Variants in ABCD2 observed in about 807,000 individuals in gnomAD.
ABCD2 encodes ATP binding cassette subfamily D member 2, also known as ATP-binding cassette sub-family D member 2.
A neutral mutation model predicts 70.9 loss-of-function variants in ABCD2; 36 were observed. The ratio of observed to expected loss-of-function variants is 0.51; its 90% CI spans 0.39 to 0.67. The LOEUF (loss-of-function observed/expected upper bound fraction) is 0.67. ABCD2 is among the 30% of genes least tolerant of loss of function. The probability of loss-of-function intolerance (pLI) is 0.00; values close to 1 mark genes in which losing one functional copy is unlikely to be tolerated. For missense variants in ABCD2, 729 were observed against 890.2 expected (o/e 0.82, Z 2.30); for synonymous variants, 304 against 306.9 (o/e 0.99, Z 0.10).
At chr12:39,611,502 CT>C (rs1444118019) in intron 2 of ABCD2, among the ~76,000 whole-genome samples, 12 of 152,072 alleles carry the variant, frequency 7.9e-5, no homozygotes, top group Admixed American at 1.3e-4. Flanking sequence ...CTTGACAAAT[CT>C]TGACAAAATT....
At chr12:39,555,006 T>C in intron 9 of ABCD2, among the ~76,000 whole-genome samples, 1 of 152,176 alleles carries the variant, frequency 6.6e-6, no homozygotes, top group Non-Finnish European at 1.5e-5. Context: ...TCGGTGGGCT[T>C]TTTTCAAGCA....
At chr12:39,612,245 T>A (rs1173376082) in intron 2 of ABCD2, among the ~76,000 whole-genome samples, 1 of 152,190 alleles carries the variant, frequency 6.6e-6, no homozygotes, top group Non-Finnish European at 1.5e-5. Flanking sequence ...CACAGATATG[T>A]ATATACATAC....
chr12:39,541,103 A>C, the ABCD2 span, among the ~76,000 whole-genome samples: 1 of 152,222 alleles, frequency 6.6e-6, no homozygotes, highest in Non-Finnish European at 1.5e-5. Flanking sequence ...AAACAAACAA[A>C]TCCCATAGTA....
chr12:39,532,375 T>C, the ABCD2 span, among the ~76,000 whole-genome samples: 2 of 152,196 alleles, frequency 1.3e-5, no homozygotes, highest in African/African-American at 4.8e-5. Context: ...CTGTTCAACA[T>C]CTCCAATAAT....
chr12:39,549,556 TTC>T (rs1941060089), downstream of ABCD2, among the ~76,000 whole-genome samples: 1 of 151,842 alleles, frequency 6.6e-6, no homozygotes, highest in African/African-American at 2.4e-5. Context: ...TTGCCTTATA[TTC>T]TCCCTCTCCC....
Position 39,607,799 on chromosome 12 carries a change from T to G in ABCD2, c.1121-85A>C. The G allele has an allele frequency of 3.4e-6, 3 of 886,914 alleles. No individual in the cohort carries two copies. In the South Asian group the frequency reaches 4.7e-5, roughly 14 times the overall value. The allele number at this position is 886,914 out of a possible 1,614,324, so 54.9% of individuals were successfully genotyped here. ...AATGTTTTATATTATACAAACTAAA[T>G]TGTGGCTAAAACAACCACATATTAA... On this transcript the variant is annotated intron_variant, in intron 2 of 9. Transcript: ENST00000308666.
intron 1 of ABCD2, among the ~76,000 whole-genome samples, 157 bp downstream of exon 1, chr12:39,618,520 G>C (rs1200931905): frequency 6.6e-6 from 1 of 152,052 alleles, no homozygotes; most frequent in Non-Finnish European, 1.5e-5. Context: ...AGTTAAAAGG[G>C]GTAATGAAGC....
the ABCD2 span, among the ~76,000 whole-genome samples, chr12:39,534,999 G>A: frequency 1.3e-5 from 2 of 151,810 alleles, no homozygotes; most frequent in Non-Finnish European, 2.9e-5. Context: ...CCTGGCTTGC[G>A]CTGTCTGACA....
chr12:39,561,806 C>T (rs916415088), intron 9 of ABCD2, among the ~76,000 whole-genome samples: 4 of 152,096 alleles, frequency 2.6e-5, no homozygotes, highest in South Asian at 2.1e-4. Context: ...AAGAAAGAAA[C>T]ACCAGATTTA....
At chr12:39,587,110 T>C (rs1215518088) in intron 6 of ABCD2, among the ~76,000 whole-genome samples, 1 of 152,176 alleles carries the variant, frequency 6.6e-6, no homozygotes, top group Admixed American at 6.5e-5. Flanking sequence ...AAAAGATGCA[T>C]GAGGTTATTC....
At chr12:39,562,374 A>G (rs199592043) in intron 9 of ABCD2, among the ~76,000 whole-genome samples, 1 of 152,070 alleles carries the variant, frequency 6.6e-6, no homozygotes, top group East Asian at 1.9e-4. Flanking sequence ...GCCTGGAAAA[A>G]CAACATAAAA....
At chr12:39,579,443 C>T (rs775504518) in intron 8 of ABCD2, 92 bp downstream of exon 8, 92 of 842,070 alleles carry the variant, frequency 1.1e-4, no homozygotes, top group Middle Eastern at 2.3e-4. Flanking sequence ...CAGATGAAGA[C>T]GATAAATCCT....
chr12:39,600,673 C>T lies in ABCD2; in HGVS notation c.1544G>A (p.Cys515Tyr), dbSNP rs1357573101. 1.9e-6 allele frequency: 3 copies of T among 1,612,220 alleles called. No homozygotes were observed. The highest frequency in any genetic ancestry group is 2.7e-5 in the African/African-American group (2 of 74,848). ...AATTCTGAAGAGAGAACTTTTCCCA[C>T]AACCATTGGGACCAGTTATCAAAAG... is the stretch of plus-strand genomic sequence containing the variant. ...MHLLITGPNG[C>Y]GKSSLFRILS... is the part of the protein sequence containing the mutation. Residue 515 changes from cysteine to tyrosine, a missense_variant, in exon 6 of 10, where the codon TGT becomes TAT. Transcript: ENST00000308666.
intron 9 of ABCD2, 56 bp from the exon 10 acceptor site, chr12:39,554,187 G>T (rs1566525383): frequency 1.3e-6 from 2 of 1,516,116 alleles, no homozygotes; most frequent in East Asian, 4.6e-5. Flanking sequence ...AATCATTTTA[G>T]TTGTAGGTTT....
At chr12:39,570,550 C>G (rs1475529583) in intron 9 of ABCD2, among the ~76,000 whole-genome samples, 1 of 152,096 alleles carries the variant, frequency 6.6e-6, no homozygotes, top group Non-Finnish European at 1.5e-5. Flanking sequence ...TGAAATTTGA[C>G]CCTTATTGCT....
chr12:39,553,877 T>A lies in ABCD2; in HGVS notation c.*35A>T, dbSNP rs144667854. 2,235 of 1,474,208 alleles carry A rather than the reference T, an allele frequency of 1.5e-3. 50 individuals carry two copies. The South Asian group carries it at 0.025, about 17-fold the overall frequency. 91.3% of individuals were successfully genotyped at this position (1,474,208 alleles called of 1,614,324 possible). ...ATAACAGAATGTCTTTGAGCCTTTATCTAATAATTAACTTTTAAAATATGT... is the reference window on the plus strand; with the variant it reads ...ATAACAGAATGTCTTTGAGCCTTTAACTAATAATTAACTTTTAAAATATGT... On this transcript the variant is annotated 3_prime_UTR_variant, in exon 10 of 10. Transcript: ENST00000308666.
At chr12:39,537,967 C>A in the ABCD2 span, among the ~76,000 whole-genome samples, 3 of 152,100 alleles carry the variant, frequency 2.0e-5, no homozygotes, top group African/African-American at 4.8e-5. Flanking sequence ...AGGCAGGGAA[C>A]CTAAGGACTT....
chr12:39,582,703 A>C (rs997787600), intron 7 of ABCD2, among the ~76,000 whole-genome samples: 1 of 152,204 alleles, frequency 6.6e-6, no homozygotes, highest in Non-Finnish European at 1.5e-5. Context: ...ACAAATACCA[A>C]AAAATAAAAG....
Position 39,618,795 on chromosome 12 carries a change from C to T in ABCD2, c.821G>A (p.Cys274Tyr). The change falls in exon 1 of 10, where the codon TGT (cysteine) becomes TAT (tyrosine). Residue 274 changes from cysteine (C) to tyrosine (Y), a missense_variant. Around this residue, in one of 3 missense-constraint regions of ABCD2, gnomAD observed 195 missense variants for 300.2 expected, o/e 0.65. Coordinates refer to ENST00000308666, the MANE Select transcript of ABCD2 (RefSeq NM_005164.4). ...CACCAGTTTGCCAAATTTGGGAGAA[C>T]AGGCTTTTAACACTTTAGCAGTGGC... ...VYATAKVLKA[C>Y]SPKFGKLVAE... 1 of 1,614,196 alleles carries T rather than the reference C, an allele frequency of 6.2e-7. No individual in the cohort carries two copies. Among genetic ancestry groups the T allele is most frequent in the Non-Finnish European group, 8.5e-7 (1 of 1,180,042 alleles).
Sources: gnomAD v4.1 joint callset for allele counts (sites outside exome capture counted in the v4.1 genomes callset) on GRCh38, gnomAD v4.1.1 for gene constraint, gnomAD v4.1.1 regional missense constraint, MANE v1.5 for transcripts, NCBI Gene and HGNC (gene_info 2026-07-23, HGNC 2026-07-21) for gene names.